The following MTCL1 variants were observed in gnomAD, a reference collection of about 807,000 sequenced individuals.
The protein encoded by MTCL1 is microtubule crosslinking factor 1.
A neutral mutation model predicts 141.4 loss-of-function variants in MTCL1; 79 were observed. That is an observed-to-expected ratio of 0.56 (90% CI 0.47 to 0.67). The LOEUF (loss-of-function observed/expected upper bound fraction) is 0.67, where lower values mean the gene tolerates loss of function less well. Among genes scored for constraint, MTCL1 ranks in the 30% least tolerant of loss-of-function variants. The pLI is 0.00. For missense variants in MTCL1, 2,177 were observed against 2,113.9 expected (o/e 1.03, Z -0.59); for synonymous variants, 914 against 875.8 (o/e 1.04, Z -0.77).
chr18:8,774,464 T>A (rs532634863), intron 4 of MTCL1, among the ~76,000 whole-genome samples: 37 of 152,072 alleles, frequency 2.4e-4, no homozygotes, highest in Non-Finnish European at 4.3e-4. Flanking sequence ...TTTTCTTTCT[T>A]TTCTTTCTTT....
chr18:8,786,115 C>CT, intron 7 of MTCL1, 24 bp downstream of exon 6: 14 of 1,388,258 alleles, frequency 1.0e-5, no homozygotes, highest in Admixed American at 7.7e-5. Context: ...AGCAATCCCC[C>CT]CCCCCCGCCC....
intron 3 of MTCL1, among the ~76,000 whole-genome samples, chr18:8,718,991 A>G (rs1053628432): frequency 2.0e-5 from 3 of 151,436 alleles, no homozygotes; most frequent in East Asian, 1.9e-4. Context: ...AGTGTAGTCA[A>G]AGGCCACTCT....
upstream of MTCL1, chr18:8,705,597 CCGCCGCCGCCGCCGT>C (rs1179115347): frequency 7.0e-5 from 84 of 1,204,016 alleles, no homozygotes; most frequent in Admixed American, 9.1e-5. This position sits in a 1 kb window ranked among gnomAD's most constrained non-coding sequence, Gnocchi z 5.2. Flanking sequence ...GCCGCCGCCG[CCGCCGCCGCCGCCGT>C]CGTCGTCCGG....
In MTCL1 at chr18:8,748,607, T is replaced by C. The variant is rs574667600; in HGVS notation, c.357+28111T>C. ...ACACACACACACATATACACACATA[T>C]ATATATTCTGAATATATATATTCGT... is the stretch of plus-strand genomic sequence containing the variant. On this transcript the variant is annotated intron_variant, in intron 4 of 16. Coordinates refer to ENST00000359865, the Ensembl canonical transcript of MTCL1. 1.2e-4 allele frequency among the ~76,000 whole-genome samples: 18 copies of C among 152,226 alleles called. No homozygotes were observed. The East Asian group carries it at 1.3e-3, about 11-fold the overall frequency.
intron 4 of MTCL1, among the ~76,000 whole-genome samples, chr18:8,776,728 T>C (rs2096511040): frequency 3.5e-5 from 2 of 57,060 alleles, no homozygotes; most frequent in African/African-American, 1.2e-4. Flanking sequence ...ACTAGTTATT[T>C]ATTTATTTAT....
intron 11 of MTCL1, among the ~76,000 whole-genome samples, chr18:8,808,228 G>C (rs527335637): frequency 1.3e-5 from 2 of 152,122 alleles, no homozygotes; most frequent in Non-Finnish European, 2.9e-5. Context: ...CTTAGTCCCC[G>C]GCCTGCAGCA....
chr18:8,769,437 G>A (rs1050053015), intron 4 of MTCL1, among the ~76,000 whole-genome samples: 1 of 152,128 alleles, frequency 6.6e-6, no homozygotes, highest in African/African-American at 2.4e-5. Flanking sequence ...AGTTTATTTT[G>A]CAATGTTTGG....
intron 1 of MTCL1, chr18:8,717,468 G>C (rs1392018209): frequency 6.6e-6 from 1 of 152,658 alleles, no homozygotes; most frequent in African/African-American, 2.4e-5. Flanking sequence ...TGGGCAGGGA[G>C]GGAGTGTGGC....
chr18:8,812,399 T>C (rs1263464849), intron 11 of MTCL1, among the ~76,000 whole-genome samples: 1 of 152,214 alleles, frequency 6.6e-6, no homozygotes, highest in African/African-American at 2.4e-5. Context: ...TCTTGAACAC[T>C]TTAGATGCCA....
intron 10 of MTCL1, among the ~76,000 whole-genome samples, chr18:8,799,830 C>T (rs568267): frequency 0.72 from 109,558 of 152,196 alleles, 39,894 homozygotes; most frequent in Middle Eastern, 0.81. Flanking sequence ...TGGAAAATAA[C>T]GTGAAGTCAC....
At chr18:8,772,699 T>A (rs1020740385) in intron 4 of MTCL1, among the ~76,000 whole-genome samples, 1 of 151,700 alleles carries the variant, frequency 6.6e-6, no homozygotes, top group Admixed American at 6.6e-5. Context: ...TAAATATAAA[T>A]ATATTTTAAG....
chr18:8,705,992 C>T lies in MTCL1; in HGVS notation c.332C>T (p.Pro111Leu), dbSNP rs1464017905. The change falls in exon 1 of 14, where the codon CCC becomes CTC. Residue 111 changes from proline to leucine, a missense_variant. Pro to Leu is a moderately conservative substitution (Grantham distance 98). Transcript: ENST00000306329. The surrounding 1 kb of genome is among the most constrained non-coding windows in gnomAD (Gnocchi z 5.2). ...GGCGTCCCGGGCGCGAAGGACAAGC[C>T]CCCGCCGGGCGCCGGGGCCAGAGCG... is the stretch of plus-strand genomic sequence containing the variant. The T allele has an allele frequency of 2.7e-5, 31 of 1,148,478 alleles. No individual in the cohort carries two copies. Among genetic ancestry groups the T allele is most frequent in the Admixed American group, 4.8e-5 (1 of 20,792 alleles). 71.1% of individuals were successfully genotyped at this position (1,148,478 alleles called of 1,614,324 possible). A position where few individuals can be genotyped will look rare whatever the true frequency, so the allele number is the denominator to read the frequency against.
At position 8,830,524 on chromosome 18, in the gene MTCL1, C is replaced by T; in HGVS notation, c.*19-1083C>T. 2.0e-6 allele frequency: 2 copies of T among 986,392 alleles called. No individual in the cohort carries two copies. The highest frequency in any genetic ancestry group is 9.4e-5 in the South Asian group (2 of 21,298). The allele number at this position is 986,392 out of a possible 1,614,324, so 61.1% of individuals were successfully genotyped here. A position where few individuals can be genotyped will look rare whatever the true frequency, so the allele number is the denominator to read the frequency against. On this transcript the variant is annotated intron_variant, in intron 16 of 16. Coordinates refer to ENST00000359865, the Ensembl canonical transcript of MTCL1. The surrounding 1 kb of genome is among the most constrained non-coding windows in gnomAD (Gnocchi z 6.4). ...CATTCCGTGCAGCCGTCTGTCCTTC[C>T]CCCGCTGCTGCTCCCCTGCACCACT... is the stretch of plus-strand genomic sequence containing the variant.
At chr18:8,807,137 C>A in intron 11 of MTCL1, 77 bp downstream of exon 10, 1 of 1,397,948 alleles carries the variant, frequency 7.2e-7, no homozygotes, top group Non-Finnish European at 9.7e-7. Flanking sequence ...GGAGCGGGCA[C>A]AGAGAGATTC....
intron 4 of MTCL1, among the ~76,000 whole-genome samples, chr18:8,721,171 G>A (rs2096169279): frequency 6.6e-6 from 1 of 152,180 alleles, no homozygotes; most frequent in South Asian, 2.1e-4. Context: ...TGTTTTCTTG[G>A]AAAATGTCCT....
chr18:8,743,696 C>T (rs1026646813), intron 4 of MTCL1, among the ~76,000 whole-genome samples: 4 of 152,346 alleles, frequency 2.6e-5, no homozygotes, highest in African/African-American at 7.2e-5. Flanking sequence ...TTGTCTGGTG[C>T]TCTCTCCTGA....
chr18:8,825,897 G>A (rs2077007154), exon 15 of MTCL1: 1 of 1,613,016 alleles, frequency 6.2e-7, no homozygotes, highest in Non-Finnish European at 8.5e-7. Context: ...CTTCCAGAAG[G>A]GGCTGCGGGC....
At chr18:8,762,722 A>G (rs141792732) in intron 4 of MTCL1, among the ~76,000 whole-genome samples, 3 of 152,344 alleles carry the variant, frequency 2.0e-5, no homozygotes, top group East Asian at 1.9e-4. Context: ...ACAAGAAGAC[A>G]TCGGCACACA....
chr18:8,767,709 G>A (rs1020814946), intron 4 of MTCL1, among the ~76,000 whole-genome samples: 6 of 151,526 alleles, frequency 4.0e-5, no homozygotes, highest in Non-Finnish European at 7.4e-5. Flanking sequence ...TTTGCATTAC[G>A]CTAGGTCAAT....
Sources: gnomAD v4.1 joint callset for allele counts (sites outside exome capture counted in the v4.1 genomes callset) on GRCh38, gnomAD v4.1.1 for gene constraint, Gnocchi (gnomAD v3.1) non-coding constraint, MANE v1.5 for transcripts, NCBI Gene and HGNC (gene_info 2026-07-23, HGNC 2026-07-21) for gene names.